MYRIP: variants seen among roughly 807,000 people sequenced by gnomAD.
MYRIP encodes the protein myosin VIIA and Rab interacting protein.
Under a neutral mutation model 98.0 loss-of-function variants are expected in MYRIP, and 49 were observed. The ratio of observed to expected loss-of-function variants is 0.50; its 90% CI spans 0.40 to 0.63. MYRIP has a LOEUF of 0.63. MYRIP is among the 30% of genes least tolerant of loss of function. MYRIP has a pLI of 0.00. For synonymous variants in MYRIP, 404 were observed against 409.5 expected, an observed-to-expected ratio of 0.99 and a Z score of 0.16; for missense variants, 1,004 against 1,058.2, an observed-to-expected ratio of 0.95 and a Z score of 0.71.
intron 11 of MYRIP, among the ~76,000 whole-genome samples, chr3:40,218,994 AT>A (rs1373735061): frequency 6.6e-6 from 1 of 152,180 alleles, no homozygotes; most frequent in African/African-American, 2.4e-5. Flanking sequence ...AAGCAAACAG[AT>A]TAATGAAACA....
intron 1 of MYRIP, among the ~76,000 whole-genome samples, chr3:39,880,448 G>A (rs1943130555): frequency 6.6e-6 from 1 of 152,308 alleles, no homozygotes; most frequent in East Asian, 1.9e-4. Flanking sequence ...TAAGGAGTAG[G>A]CATTCTCAAA....
At chr3:40,189,703 C>T (rs1158777480) in intron 9 of MYRIP, 123 bp from the exon 10 acceptor site, 10 of 1,086,410 alleles carry the variant, frequency 9.2e-6, no homozygotes, top group Non-Finnish European at 1.3e-5. Context: ...CCTGGGCTTC[C>T]TAAAGGCAAC....
intron 12 of MYRIP, among the ~76,000 whole-genome samples, chr3:40,234,404 T>G (rs1952762440): frequency 6.6e-6 from 1 of 152,192 alleles, no homozygotes; most frequent in African/African-American, 2.4e-5. Flanking sequence ...ATCTCAGAGT[T>G]GTCCTGACCT....
At chr3:40,085,790 C>A (rs1284635215) in intron 3 of MYRIP, among the ~76,000 whole-genome samples, 2 of 152,124 alleles carry the variant, frequency 1.3e-5, no homozygotes, top group Non-Finnish European at 2.9e-5. Context: ...AATATGGGTA[C>A]ATAAAATAGA....
At chr3:39,996,890 T>C (rs1333856651) in intron 2 of MYRIP, among the ~76,000 whole-genome samples, 3 of 152,086 alleles carry the variant, frequency 2.0e-5, no homozygotes, top group African/African-American at 4.8e-5. Context: ...CACTCAAAAC[T>C]GCTCAACTAC....
intron 2 of MYRIP, among the ~76,000 whole-genome samples, chr3:39,928,764 A>C (rs1353193415): frequency 6.6e-6 from 1 of 151,958 alleles, no homozygotes; most frequent in Non-Finnish European, 1.5e-5. Flanking sequence ...CCCCCTTAAA[A>C]TCAGGAACAT....
chr3:40,110,089 TACTC>T (rs1321916376), intron 3 of MYRIP, among the ~76,000 whole-genome samples: 1 of 152,224 alleles, frequency 6.6e-6, no homozygotes, highest in Non-Finnish European at 1.5e-5. Context: ...CCTCATTTCT[TACTC>T]ACTTCTGCCC....
Position 40,259,622 on chromosome 3 carries a change from A to C in MYRIP, c.*1456A>C, listed in dbSNP as rs1953707728. ...TCAACCTCTACGTTATTTTGCTGCT[A>C]TGTGCATTTCCAGATCTGATTTTCT... On this transcript the variant is annotated 3_prime_UTR_variant, in exon 17 of 17. Coordinates refer to ENST00000302541, the MANE Select transcript of MYRIP (RefSeq NM_015460.4). The C allele has an allele frequency of 6.6e-6, 1 of 152,222 alleles. No individual in the cohort carries two copies. The highest frequency in any genetic ancestry group is 1.5e-5 in the Non-Finnish European group (1 of 68,036). The allele number at this position is 152,222 out of a possible 1,614,324, so 9.4% of individuals were successfully genotyped here. A position where few individuals can be genotyped will look rare whatever the true frequency, so the allele number is the denominator to read the frequency against.
At chr3:40,152,766 G>A (rs771018307) in intron 4 of MYRIP, among the ~76,000 whole-genome samples, 20 of 152,112 alleles carry the variant, frequency 1.3e-4, no homozygotes, top group East Asian at 3.9e-4. Context: ...TTCTCAAAGC[G>A]TGGCTCAAGG....
At chr3:39,988,014 C>T (rs1946076056) in intron 2 of MYRIP, among the ~76,000 whole-genome samples, 1 of 152,098 alleles carries the variant, frequency 6.6e-6, no homozygotes, top group African/African-American at 2.4e-5. Flanking sequence ...TTTTTAGGGA[C>T]ATGGATGAAA....
intron 3 of MYRIP, among the ~76,000 whole-genome samples, chr3:40,048,905 A>AT (rs914996367): frequency 1.3e-5 from 2 of 152,078 alleles, no homozygotes; most frequent in African/African-American, 4.8e-5. Flanking sequence ...TCCCTTTGTC[A>AT]TTTTTTCATT....
At chr3:40,032,448 A>C (rs952989505) in intron 2 of MYRIP, among the ~76,000 whole-genome samples, 1 of 151,980 alleles carries the variant, frequency 6.6e-6, no homozygotes, top group African/African-American at 2.4e-5. Context: ...ACTTCCAACT[A>C]TGTGGTCAAT....
intron 2 of MYRIP, among the ~76,000 whole-genome samples, chr3:40,003,278 C>T (rs1180141488): frequency 6.7e-6 from 1 of 149,486 alleles, no homozygotes; most frequent in Non-Finnish European, 1.5e-5. Context: ...TCTGAGTGGC[C>T]CCCTGTGAGG....
At chr3:40,004,574 T>C (rs2125788949) in intron 2 of MYRIP, among the ~76,000 whole-genome samples, 1 of 152,294 alleles carries the variant, frequency 6.6e-6, no homozygotes, top group African/African-American at 2.4e-5. Context: ...TTGGTGCACC[T>C]GTCACCCGAG....
intron 8 of MYRIP, among the ~76,000 whole-genome samples, chr3:40,171,285 T>G (rs1202475592): frequency 1.3e-5 from 2 of 151,918 alleles, no homozygotes; most frequent in East Asian, 3.9e-4. Context: ...GGTGCTGAGT[T>G]GAAAGATTGA....
chr3:39,856,586 C>G (rs139516746), intron 1 of MYRIP, among the ~76,000 whole-genome samples: 84 of 152,302 alleles, frequency 5.5e-4, no homozygotes, highest in African/African-American at 1.8e-3. Context: ...AACAAGCAGC[C>G]CCTTCCAGAG....
intron 12 of MYRIP, among the ~76,000 whole-genome samples, chr3:40,235,729 G>A (rs1340525300): frequency 6.6e-6 from 1 of 152,180 alleles, no homozygotes; most frequent in Non-Finnish European, 1.5e-5. Flanking sequence ...TTTCCCAGGT[G>A]CCAGGTCCTT....
At chr3:39,911,732 A>G (rs905972059) in intron 2 of MYRIP, among the ~76,000 whole-genome samples, 2 of 152,206 alleles carry the variant, frequency 1.3e-5, no homozygotes, top group Admixed American at 1.3e-4. Flanking sequence ...GGTAAGCACA[A>G]TGAACAGCCT....
At chr3:40,141,998 G>T (rs1013721421) in intron 3 of MYRIP, among the ~76,000 whole-genome samples, 1 of 149,392 alleles carries the variant, frequency 6.7e-6, no homozygotes, top group Admixed American at 6.7e-5. Context: ...CTGATATTTT[G>T]ATAGGGATTG....
Sources: gnomAD v4.1 joint callset for allele counts (sites outside exome capture counted in the v4.1 genomes callset) on GRCh38, gnomAD v4.1.1 for gene constraint, MANE v1.5 for transcripts, NCBI Gene and HGNC (gene_info 2026-07-23, HGNC 2026-07-21) for gene names.